Variants in KCNK12 observed in about 807,000 individuals in gnomAD.
KCNK12 encodes potassium two pore domain channel subfamily K member 12.
Under a neutral mutation model 25.3 loss-of-function variants are expected in KCNK12, and 6 were observed. The ratio of observed to expected loss-of-function variants is 0.24; its 90% CI spans 0.13 to 0.47. KCNK12 has a LOEUF of 0.47. Ranked by LOEUF, KCNK12 falls within the 20% of genes least tolerant of loss-of-function variation. The pLI is 0.99. For missense variants in KCNK12, 444 were observed against 661.7 expected, an observed-to-expected ratio of 0.67 and a Z score of 3.61; for synonymous variants, 331 against 311.1, an observed-to-expected ratio of 1.06 and a Z score of -0.67.
At chr2:47,549,709 G>A (rs1275065495) in intron 1 of KCNK12, among the ~76,000 whole-genome samples, 3 of 152,186 alleles carry the variant, frequency 2.0e-5, no homozygotes, top group Non-Finnish European at 2.9e-5. Flanking sequence ...GCCAAGATGG[G>A]CGGATCACGA....
At chr2:47,521,882 G>C (rs1668664579) in intron 1 of KCNK12, 74 bp from the exon 2 acceptor site, 1 of 1,133,676 alleles carries the variant, frequency 8.8e-7, no homozygotes, top group Non-Finnish European at 1.2e-6. Context: ...TGGGGGGTGT[G>C]GGGGCGGGGG....
intron 1 of KCNK12, among the ~76,000 whole-genome samples, chr2:47,550,854 A>C (rs1450957617): frequency 6.6e-6 from 1 of 152,098 alleles, no homozygotes; most frequent in Non-Finnish European, 1.5e-5. Context: ...GGTCCAAATC[A>C]TCATCATCTC....
chr2:47,562,904 C>T lies in KCNK12; in HGVS notation c.391+7037G>A, dbSNP rs1558566330. 1 of 233,346 alleles carries T rather than the reference C, an allele frequency of 4.3e-6. No homozygotes were observed. The highest frequency in any genetic ancestry group is 8.5e-6 in the Non-Finnish European group (1 of 118,160). The allele number at this position is 233,346 out of a possible 1,614,324, so 14.5% of individuals were successfully genotyped here. ...CCCACCTTGGGCTCCACACACTTTC[C>T]GGATTGCTGGCTGGTGGCCCCATGC... On this transcript the variant is annotated intron_variant, in intron 1 of 1. Coordinates refer to ENST00000327876, the MANE Select transcript of KCNK12 (RefSeq NM_022055.2). The surrounding 1 kb of genome is among the most constrained non-coding windows in gnomAD (Gnocchi z 4.8).
chr2:47,527,054 G>A (rs1207512892), intron 1 of KCNK12, among the ~76,000 whole-genome samples: 1 of 152,210 alleles, frequency 6.6e-6, no homozygotes, highest in Non-Finnish European at 1.5e-5. Context: ...AGTCCCCACA[G>A]CTTGGAAATG....
At chr2:47,527,694 T>C (rs904104849) in intron 1 of KCNK12, 1 of 152,270 alleles carries the variant, frequency 6.6e-6, no homozygotes, top group African/African-American at 2.4e-5. Flanking sequence ...GGATCTGCCT[T>C]TTTCCTGGAT....
rs1323165430 is a variant in KCNK12, at chr2:47,525,651, G to A, written c.392-3843C>T. Among the ~76,000 whole-genome samples, 1 of 152,202 alleles carries A rather than the reference G, an allele frequency of 6.6e-6. No individual in the cohort carries two copies. Among genetic ancestry groups the A allele is most frequent in the Non-Finnish European group, 1.5e-5 (1 of 68,028 alleles). On this transcript the variant is annotated intron_variant, in intron 1 of 1. Coordinates refer to ENST00000327876, the MANE Select transcript of KCNK12 (RefSeq NM_022055.2). The surrounding 1 kb of genome is among the most constrained non-coding windows in gnomAD (Gnocchi z 4.1). ...TGACAAGTGGATACTGAAAGGAAGA[G>A]ATCTGAAGAGACTGCTCAAGAGGGC...
chr2:47,526,853 G>A (rs1321013019), intron 1 of KCNK12, among the ~76,000 whole-genome samples: 1 of 152,222 alleles, frequency 6.6e-6, no homozygotes, highest in East Asian at 1.9e-4. Context: ...ATGAGACAAA[G>A]CCATTTCCAG....
intron 1 of KCNK12, chr2:47,563,882 T>TGGA (rs1669736761): frequency 8.6e-6 from 2 of 232,260 alleles, no homozygotes; most frequent in African/African-American, 4.4e-5. Flanking sequence ...CAAGACTGAG[T>TGGA]GGAAATATGT....
In KCNK12 at chr2:47,538,288, T is replaced by C. The variant is rs988302751; in HGVS notation, c.392-16480A>G. 1.3e-5 allele frequency among the ~76,000 whole-genome samples: 2 copies of C among 151,926 alleles called. No homozygotes were observed. Among genetic ancestry groups the C allele is most frequent in the African/African-American group, 4.8e-5 (2 of 41,348 alleles). ...GGCAAGTACTACAAAAAATAAAAAA[T>C]AGAGCAGGCTAAGAGGGTGAGGAGT... On this transcript the variant is annotated intron_variant, in intron 1 of 1. Transcript: ENST00000327876. This position sits in a 1 kb window ranked among gnomAD's most constrained non-coding sequence, Gnocchi z 4.5.
chr2:47,551,967 C>CT lies in KCNK12; in HGVS notation c.391+17973dup, dbSNP rs1359555572. 6.6e-6 allele frequency among the ~76,000 whole-genome samples: 1 copy of CT among 152,160 alleles called. No homozygotes were observed. The highest frequency in any genetic ancestry group is 1.9e-4 in the East Asian group (1 of 5,190). ...GGAGCTGGGCCTCCTCCTGAAGGGCCTGCATCACCTCCTTCCTTCTTGTTT... is the reference window on the plus strand; with the variant it reads ...GGAGCTGGGCCTCCTCCTGAAGGGCCTTGCATCACCTCCTTCCTTCTTGTTT... On this transcript the variant is annotated intron_variant, in intron 1 of 1. Transcript: ENST00000327876. The surrounding 1 kb of genome is among the most constrained non-coding windows in gnomAD (Gnocchi z 5.3).
intron 1 of KCNK12, among the ~76,000 whole-genome samples, chr2:47,523,212 A>G (rs926061754): frequency 1.3e-5 from 2 of 152,212 alleles, no homozygotes; most frequent in Non-Finnish European, 2.9e-5. Flanking sequence ...GGGACCAGGT[A>G]GAGTGTAACC....
chr2:47,512,518 G>A lies in KCNK12; in HGVS notation c.*8389C>T. ...CTGTAAACATTTCCCTCAAAATGGA[G>A]CAGGAAGCTCTCAAAAATGGACCAG... On this transcript the variant is annotated 3_prime_UTR_variant, in exon 2 of 2. Transcript: ENST00000327876. The A allele has an allele frequency of 7.0e-7, 1 of 1,420,536 alleles. No individual in the cohort carries two copies. Among genetic ancestry groups the A allele is most frequent in the South Asian group, 1.4e-5 (1 of 69,814 alleles). 88.0% of individuals were successfully genotyped at this position (1,420,536 alleles called of 1,614,324 possible).
chr2:47,512,445 G>A lies in KCNK12; in HGVS notation c.*8462C>T, dbSNP rs772733094. 1 of 1,584,816 alleles carries A rather than the reference G, an allele frequency of 6.3e-7. No homozygotes were observed. The highest frequency in any genetic ancestry group is 1.8e-5 in the Admixed American group (1 of 54,450). ...GGTGAGCTCTCATGACCTGGTGTCT[G>A]TTGCCTTCTGGTTAAGTTTTTCATT... On this transcript the variant is annotated 3_prime_UTR_variant, in exon 2 of 2. Coordinates refer to ENST00000327876, the MANE Select transcript of KCNK12 (RefSeq NM_022055.2).
rs918015662 is a variant in KCNK12, at chr2:47,557,364, C to T, written c.391+12577G>A. Among the ~76,000 whole-genome samples, 3 of 152,128 alleles carry T rather than the reference C, an allele frequency of 2.0e-5. No homozygotes were observed. The highest frequency in any genetic ancestry group is 2.0e-4 in the Admixed American group (3 of 15,280). ...TGCCTTCCACATGGATGACTCTTGC[C>T]AGATGCCAGAGCCCTCTATCATAAA... On this transcript the variant is annotated intron_variant, in intron 1 of 1. Transcript: ENST00000327876. The surrounding 1 kb of genome is among the most constrained non-coding windows in gnomAD (Gnocchi z 4.9).
Position 47,570,827 on chromosome 2 carries a change from C to G in KCNK12, c.-496G>C, listed in dbSNP as rs1669896709. The G allele has an allele frequency of 6.6e-6, 1 of 152,222 alleles. No homozygotes were observed. The highest frequency in any genetic ancestry group is 2.4e-5 in the African/African-American group (1 of 41,440). The allele number at this position is 152,222 out of a possible 1,614,324, so 9.4% of individuals were successfully genotyped here. A position where few individuals can be genotyped will look rare whatever the true frequency, so the allele number is the denominator to read the frequency against. On this transcript the variant is annotated 5_prime_UTR_variant, in exon 1 of 2. Coordinates refer to ENST00000327876, the MANE Select transcript of KCNK12 (RefSeq NM_022055.2). ...CGTCCCATGAGGCGTTCGGGATCGG[C>G]GCCTCCTAGGTGCGGGCTGTGCGGG... is the stretch of plus-strand genomic sequence containing the variant.
At chr2:47,564,072 A>C (rs1669741480) in intron 1 of KCNK12, 1 of 231,298 alleles carries the variant, frequency 4.3e-6, no homozygotes, top group Non-Finnish European at 8.6e-6. Context: ...AGCTGCTCTC[A>C]TTAAAACAAG....
chr2:47,566,443 C>T lies in KCNK12; in HGVS notation c.391+3498G>A, dbSNP rs1249506909. 1 of 151,922 alleles carries T rather than the reference C, an allele frequency of 6.6e-6. No homozygotes were observed. The highest frequency in any genetic ancestry group is 1.5e-5 in the Non-Finnish European group (1 of 67,988). 9.4% of individuals were successfully genotyped at this position (151,922 alleles called of 1,614,324 possible). On this transcript the variant is annotated intron_variant, in intron 1 of 1. Transcript: ENST00000327876. This position sits in a 1 kb window ranked among gnomAD's most constrained non-coding sequence, Gnocchi z 4.1. ...GTGTACACACACACGTGCACACACACATACACACACTGGTGCAAAAAAGGG... is the reference window on the plus strand; with the variant it reads ...GTGTACACACACACGTGCACACACATATACACACACTGGTGCAAAAAAGGG...
At chr2:47,549,708 G>C (rs1366552166) in intron 1 of KCNK12, among the ~76,000 whole-genome samples, 3 of 152,172 alleles carry the variant, frequency 2.0e-5, no homozygotes, top group African/African-American at 7.2e-5. Context: ...GGCCAAGATG[G>C]GCGGATCACG....
intron 1 of KCNK12, among the ~76,000 whole-genome samples, chr2:47,550,010 G>A (rs890721675): frequency 1.3e-5 from 2 of 151,528 alleles, no homozygotes; most frequent in African/African-American, 4.8e-5. Flanking sequence ...ACTAAAGACT[G>A]CTGAAAAAGG....
Sources: allele counts gnomAD v4.1 joint callset (sites outside exome capture counted in the v4.1 genomes callset), GRCh38; gene constraint gnomAD v4.1.1; non-coding constraint Gnocchi (gnomAD v3.1); transcripts MANE v1.5; gene names NCBI Gene and HGNC (gene_info 2026-07-23, HGNC 2026-07-21).